Variants in CWH43 observed in about 807,000 individuals in gnomAD.
The protein encoded by CWH43 is cell wall biogenesis 43 C-terminal homolog, also known as PGAP2-interacting protein.
A neutral mutation model predicts 85.7 loss-of-function variants in CWH43; 91 were observed. That is an observed-to-expected ratio of 1.06 (90% CI 0.90 to 1.26). The LOEUF (loss-of-function observed/expected upper bound fraction) is 1.26, where lower values mean the gene tolerates loss of function less well. Ranked by LOEUF, CWH43 falls within the 50% of genes most tolerant of loss-of-function variation. CWH43 has a pLI of 0.00. For synonymous variants in CWH43, 323 were observed against 293.6 expected (o/e 1.10, Z -1.02); for missense variants, 869 against 839.2 (o/e 1.04, Z -0.44).
intron 9 of CWH43, among the ~76,000 whole-genome samples, chr4:49,028,161 A>AT (rs1411464975): frequency 6.6e-6 from 1 of 151,918 alleles, no homozygotes; most frequent in Non-Finnish European, 1.5e-5. Context: ...CCTAGACAAT[A>AT]TTTTTTTCTA....
chr4:49,031,326 A>G lies in CWH43; in HGVS notation c.1508+366A>G, dbSNP rs539479601. 3.5e-4 allele frequency: 57 copies of G among 162,906 alleles called. No individual in the cohort carries two copies. The South Asian group carries it at 0.011, about 30-fold the overall frequency. 10.1% of individuals were successfully genotyped at this position (162,906 alleles called of 1,614,324 possible). ...AATCATGATAAGCGCTGTGTAGAAA[A>G]GAAACCACTGAGGGAGAATAAGTGG... On this transcript the variant is annotated intron_variant, in intron 11 of 15. Transcript: ENST00000226432.
chr4:49,012,776 C>T (rs1305576287), intron 8 of CWH43, among the ~76,000 whole-genome samples: 9 of 152,088 alleles, frequency 5.9e-5, no homozygotes, highest in South Asian at 4.2e-4. Context: ...CCACTCCAGA[C>T]GTTTGCCTGG....
chr4:49,060,414 G>A (rs949722098), intron 15 of CWH43, among the ~76,000 whole-genome samples: 1 of 151,966 alleles, frequency 6.6e-6, no homozygotes, highest in Non-Finnish European at 1.5e-5. Flanking sequence ...ATTTGCTAGG[G>A]CCGGCTTAGG....
chr4:49,046,129 C>T lies in CWH43; in HGVS notation c.1865+1282C>T, dbSNP rs150437928. Among the ~76,000 whole-genome samples the T allele has an allele frequency of 2.5e-3, 387 of 152,110 alleles. 10 individuals carry two copies. Among genetic ancestry groups the T allele is most frequent in the Admixed American group, 0.022 (341 of 15,270 alleles). ...TTTTAGGGTACATGTGCACAATCTA[C>T]ATTTCTTAGAATGCATTCTTGTTGT... On this transcript the variant is annotated intron_variant, in intron 14 of 15. Transcript: ENST00000226432.
At chr4:49,024,569 G>A (rs1365761426) in intron 9 of CWH43, among the ~76,000 whole-genome samples, 2 of 152,116 alleles carry the variant, frequency 1.3e-5, no homozygotes, top group Non-Finnish European at 2.9e-5. Flanking sequence ...CTTAGCATTT[G>A]TTTGTCTGTT....
intron 13 of CWH43, among the ~76,000 whole-genome samples, chr4:49,038,782 G>T (rs1393761419): frequency 2.0e-5 from 3 of 152,142 alleles, no homozygotes; most frequent in Non-Finnish European, 4.4e-5. Context: ...TATGGGGCTG[G>T]GTGCGGTGGC....
rs186720197 is a variant in CWH43, at chr4:49,014,641, A to G, written c.1187-2608A>G. The stretch of plus-strand genomic sequence containing the variant: ...TGTTGGTAAGAACCACAATTCTTTA[A>G]TTCACTTATCAAATCGAGGCATTTG... On this transcript the variant is annotated intron_variant, in intron 8 of 15. Coordinates refer to ENST00000226432, the MANE Select transcript of CWH43 (RefSeq NM_025087.3). Among the ~76,000 whole-genome samples the G allele has an allele frequency of 1.2e-3, 190 of 152,088 alleles. 2 individuals carry two copies. The highest frequency in any genetic ancestry group is 9.7e-4 in the Non-Finnish European group (66 of 67,988).
At chr4:49,044,136 A>G (rs937520703) in intron 13 of CWH43, among the ~76,000 whole-genome samples, 1 of 152,200 alleles carries the variant, frequency 6.6e-6, no homozygotes, top group African/African-American at 2.4e-5. Flanking sequence ...CCTCATATTT[A>G]TAGTTTTCCC....
chr4:48,991,871 T>A, intron 3 of CWH43, 65 bp from the exon 4 acceptor site: 3 of 1,367,908 alleles, frequency 2.2e-6, no homozygotes, highest in Non-Finnish European at 2.0e-6. Context: ...GAAACTGAAA[T>A]TCATGATGGA....
rs1410111348 is a variant in CWH43 at position 48,986,420 on chromosome 4, C to A, written c.-10C>A. 6.5e-7 allele frequency: 1 copy of A among 1,543,858 alleles called. No individual in the cohort carries two copies. Among genetic ancestry groups the A allele is most frequent in the Non-Finnish European group, 8.8e-7 (1 of 1,140,092 alleles). On this transcript the variant is annotated 5_prime_UTR_variant, in exon 1 of 16. Coordinates refer to ENST00000226432, the MANE Select transcript of CWH43 (RefSeq NM_025087.3). ...GGCTTTCCTGGAAAGCGCTGCCCCT[C>A]GCCGCGGCGATGCCCTCGCTGTGGA...
At chr4:49,060,223 G>T (rs140687531) in intron 15 of CWH43, among the ~76,000 whole-genome samples, 11 of 152,144 alleles carry the variant, frequency 7.2e-5, no homozygotes, top group Non-Finnish European at 1.2e-4. Context: ...TGGAGCCTGG[G>T]TCTGTGGGTA....
intron 4 of CWH43, among the ~76,000 whole-genome samples, chr4:48,994,044 G>T (rs564100890): frequency 6.6e-6 from 1 of 152,102 alleles, no homozygotes; most frequent in South Asian, 2.1e-4. Context: ...TTACAGGCTC[G>T]AGCCACTGCA....
intron 7 of CWH43, among the ~76,000 whole-genome samples, chr4:49,006,799 C>A (rs751089973): frequency 1.3e-5 from 2 of 152,112 alleles, no homozygotes; most frequent in Non-Finnish European, 2.9e-5. Context: ...ATATTAAGAG[C>A]CTACGTATGA....
At position 48,988,632 on chromosome 4, in the gene CWH43, A is replaced by G. The variant is rs1482494590; in HGVS notation, c.199A>G (p.Lys67Glu). The G allele has an allele frequency of 6.2e-7, 1 of 1,612,614 alleles. No individual in the cohort carries two copies. Among genetic ancestry groups the G allele is most frequent in the Non-Finnish European group, 8.5e-7 (1 of 1,179,088 alleles). The change falls in exon 2 of 16, where the codon AAG (lysine) becomes GAG (glutamate). Residue 67 changes from lysine to glutamate, a missense_variant. Coordinates refer to ENST00000226432, the MANE Select transcript of CWH43 (RefSeq NM_025087.3). ...TCCTTTCTGGAAATTGGTTAACAAG[A>G]AGTGGATGCTAACCCTGCTGAGGAT... ...ITPFWKLVNKKWMLTLLRIIT... is the reference protein window; with the variant it reads ...ITPFWKLVNKEWMLTLLRIIT...
intron 9 of CWH43, 67 bp downstream of exon 9, chr4:49,017,395 T>A: frequency 8.4e-7 from 1 of 1,190,600 alleles, no homozygotes; most frequent in Non-Finnish European, 1.2e-6. Flanking sequence ...TTTGTACAAT[T>A]TACCATTCTG....
At chr4:49,049,463 C>T (rs191055567) in intron 14 of CWH43, among the ~76,000 whole-genome samples, 2 of 152,032 alleles carry the variant, frequency 1.3e-5, no homozygotes, top group East Asian at 3.9e-4. Context: ...GATTCTCTAC[C>T]TGGTAGCTGT....
At chr4:49,059,016 A>G (rs1249922716) in intron 15 of CWH43, among the ~76,000 whole-genome samples, 8 of 152,102 alleles carry the variant, frequency 5.3e-5, no homozygotes, top group Non-Finnish European at 8.8e-5. Flanking sequence ...TCCTCTCCAA[A>G]TTTGGAAAGT....
At chr4:49,044,352 C>T (rs1784556163) in intron 13 of CWH43, among the ~76,000 whole-genome samples, 2 of 152,126 alleles carry the variant, frequency 1.3e-5, no homozygotes, top group South Asian at 2.1e-4. Context: ...ATTAAGATTC[C>T]CTCTGTGCAG....
At chr4:49,052,732 T>C (rs891688419) in intron 15 of CWH43, among the ~76,000 whole-genome samples, 1 of 152,216 alleles carries the variant, frequency 6.6e-6, no homozygotes, top group African/African-American at 2.4e-5. Context: ...AGTAAAGGCA[T>C]AAATAGAAGG....
Sources: gnomAD v4.1 joint callset for allele counts (sites outside exome capture counted in the v4.1 genomes callset) on GRCh38, gnomAD v4.1.1 for gene constraint, MANE v1.5 for transcripts, NCBI Gene and HGNC (gene_info 2026-07-23, HGNC 2026-07-21) for gene names.